Variants in PHTF2 observed in about 807,000 individuals in gnomAD.
PHTF2 encodes putative homeodomain transcription factor 2.
A neutral mutation model predicts 101.2 loss-of-function variants in PHTF2; 60 were observed. The observed-to-expected ratio is 0.59, with a 90% CI of 0.48 to 0.73. The LOEUF (loss-of-function observed/expected upper bound fraction) is 0.73. Among genes scored for constraint, PHTF2 ranks in the 30% least tolerant of loss-of-function variants. The pLI is 0.00. For synonymous variants in PHTF2, 311 were observed against 307.3 expected (o/e 1.01, Z -0.13); for missense variants, 747 against 908.7 (o/e 0.82, Z 2.29).
At chr7:77,867,416 T>C (rs1292044089) in intron 3 of PHTF2, among the ~76,000 whole-genome samples, 1 of 152,218 alleles carries the variant, frequency 6.6e-6, no homozygotes, top group Admixed American at 6.5e-5. Flanking sequence ...TTGCTACTAT[T>C]TAACCTTGTA....
At chr7:77,800,102 C>T (rs1792417086) in intron 1 of PHTF2, among the ~76,000 whole-genome samples, 1 of 151,764 alleles carries the variant, frequency 6.6e-6, no homozygotes, top group Non-Finnish European at 1.5e-5. Flanking sequence ...CTTTTTTCAC[C>T]ATATTTTTAA....
intron 18 of PHTF2, 69 bp from the exon 18 acceptor site, chr7:77,953,700 T>C (rs1806744005): frequency 5.9e-6 from 8 of 1,351,678 alleles, no homozygotes; most frequent in Non-Finnish European, 8.1e-6. Context: ...ATTCTCATTG[T>C]ATATTGTTCT....
intron 12 of PHTF2, among the ~76,000 whole-genome samples, chr7:77,933,946 C>A (rs895186277): frequency 6.6e-6 from 1 of 152,128 alleles, no homozygotes; most frequent in Non-Finnish European, 1.5e-5. Flanking sequence ...TAATGCTCTA[C>A]TCTGTATATC....
chr7:77,881,387 T>G (rs531992535), intron 3 of PHTF2, among the ~76,000 whole-genome samples: 52 of 152,274 alleles, frequency 3.4e-4, no homozygotes, highest in African/African-American at 1.2e-3. Context: ...TCAATTTCCT[T>G]AGGTGATCAA....
rs1366926740 is a variant in PHTF2, at chr7:77,827,352, TTTTA to T, written c.-35-12858_-35-12855del. ...GTGGAAAATTAAATTAATATTTTATTTTTATTTATTTATTCTTTTTGAGACGGAG... is the reference window on the plus strand; with the variant it reads ...GTGGAAAATTAAATTAATATTTTATTTTTATTTATTCTTTTTGAGACGGAG... On this transcript the variant is annotated intron_variant, in intron 1 of 19. Transcript: ENST00000416283. Among the ~76,000 whole-genome samples the T allele has an allele frequency of 3.3e-5, 5 of 152,230 alleles. No homozygotes were observed. In the East Asian group the frequency reaches 5.8e-4, roughly 18 times the overall value.
chr7:77,827,301 G>C (rs1215597429), intron 1 of PHTF2, among the ~76,000 whole-genome samples: 1 of 152,036 alleles, frequency 6.6e-6, no homozygotes, highest in Non-Finnish European at 1.5e-5. Flanking sequence ...AGTTCTTCCA[G>C]TTTTCATTTT....
intron 1 of PHTF2, among the ~76,000 whole-genome samples, chr7:77,838,067 A>T (rs1795605352): frequency 6.6e-6 from 1 of 152,158 alleles, no homozygotes; most frequent in African/African-American, 2.4e-5. Context: ...GCTTGAGGGG[A>T]TAGGTTATAA....
rs749602249 is a variant in PHTF2 at position 77,940,131 on chromosome 7, A to T, written c.1569A>T (p.Thr523=). The T allele has an allele frequency of 1.9e-6, 3 of 1,613,912 alleles. No individual in the cohort carries two copies. In the South Asian group the frequency reaches 3.3e-5, roughly 18 times the overall value. ...TTGTTTTCCGACTTTCTCAAGCTAC[A>T]GACTTGGAACAACTCACAGCACATT... Residue 523 remains threonine (T), a synonymous_variant, in exon 14 of 20, where the codon ACA becomes ACT. Coordinates refer to ENST00000416283, the Ensembl canonical transcript of PHTF2.
At chr7:77,933,906 C>T (rs1485535545) in intron 12 of PHTF2, among the ~76,000 whole-genome samples, 2 of 152,084 alleles carry the variant, frequency 1.3e-5, no homozygotes, top group Admixed American at 6.5e-5. Flanking sequence ...TCACACCAGT[C>T]GGCTACCTTT....
At chr7:77,897,358 AC>A (rs1433581474) in intron 5 of PHTF2, among the ~76,000 whole-genome samples, 1 of 150,614 alleles carries the variant, frequency 6.6e-6, no homozygotes, top group Admixed American at 6.6e-5. Context: ...TAAATAAAAA[AC>A]TTTATACTAC....
At position 77,858,610 on chromosome 7, in the gene PHTF2, A is replaced by G. The variant is rs547148266; in HGVS notation, c.147+3776A>G. Among the ~76,000 whole-genome samples, 12 of 149,076 alleles carry G rather than the reference A, an allele frequency of 8.0e-5. No individual in the cohort carries two copies. The South Asian group carries it at 2.5e-3, about 31-fold the overall frequency. ...TTTTTTTGTTTGTTTGTTTGTTTTT[A>G]GGTGACCTCTGATGTCTCTGTCTTT... is the stretch of plus-strand genomic sequence containing the variant. On this transcript the variant is annotated intron_variant, in intron 3 of 19. Coordinates refer to ENST00000416283, the Ensembl canonical transcript of PHTF2.
intron 15 of PHTF2, among the ~76,000 whole-genome samples, 189 bp downstream of exon 14, chr7:77,940,848 A>C (rs1247623503): frequency 6.6e-6 from 1 of 152,208 alleles, no homozygotes; most frequent in Non-Finnish European, 1.5e-5. Context: ...CTACTTAAAA[A>C]AGAATTTAAA....
At chr7:77,803,950 G>C (rs1364342220) in intron 1 of PHTF2, among the ~76,000 whole-genome samples, 1 of 152,074 alleles carries the variant, frequency 6.6e-6, no homozygotes, top group Non-Finnish European at 1.5e-5. Context: ...CATAAATAAG[G>C]TTTTGCTATT....
At chr7:77,824,773 C>T (rs895776236) in intron 1 of PHTF2, among the ~76,000 whole-genome samples, 2 of 151,884 alleles carry the variant, frequency 1.3e-5, no homozygotes, top group African/African-American at 4.8e-5. Flanking sequence ...TGGCTTACTC[C>T]TGTAATCCTA....
chr7:77,955,573 C>A (rs999767555), exon 20 of PHTF2: 1 of 152,712 alleles, frequency 6.5e-6, no homozygotes, highest in South Asian at 2.1e-4. Flanking sequence ...ACAGCTCCAA[C>A]TGTGCATGCT....
chr7:77,898,260 T>A (rs184337187), intron 5 of PHTF2, among the ~76,000 whole-genome samples: 8 of 152,250 alleles, frequency 5.3e-5, no homozygotes, highest in Admixed American at 1.3e-4. Context: ...AAATTTTAGG[T>A]ATACAGCAAT....
chr7:77,837,090 A>G (rs117085951), intron 1 of PHTF2, among the ~76,000 whole-genome samples: 3,368 of 152,234 alleles, frequency 0.022, 52 homozygotes, highest in Middle Eastern at 0.068. Context: ...AGTTAGCCCT[A>G]TGGTTTTAGG....
At chr7:77,932,865 T>A (rs1432656903) in intron 12 of PHTF2, among the ~76,000 whole-genome samples, 2 of 152,218 alleles carry the variant, frequency 1.3e-5, no homozygotes, top group South Asian at 4.1e-4. Flanking sequence ...TTATCTCATG[T>A]ATTTAACCTT....
At chr7:77,948,989 T>G (rs553023308) in intron 16 of PHTF2, among the ~76,000 whole-genome samples, 1 of 152,330 alleles carries the variant, frequency 6.6e-6, no homozygotes, top group South Asian at 2.1e-4. Flanking sequence ...GAATGTGTAT[T>G]GCAGCATTGC....
Sources: gnomAD v4.1 joint callset for allele counts (sites outside exome capture counted in the v4.1 genomes callset) on GRCh38, gnomAD v4.1.1 for gene constraint, MANE v1.5 for transcripts, NCBI Gene and HGNC (gene_info 2026-07-23, HGNC 2026-07-21) for gene names.